The following GRIK4 variants were observed in gnomAD, a reference collection of about 807,000 sequenced individuals.
The protein encoded by GRIK4 is glutamate receptor ionotropic, kainate 4.
In GRIK4, 40 loss-of-function variants were observed where a neutral mutation model predicts 104.9. The ratio of observed to expected loss-of-function variants is 0.38; its 90% CI spans 0.30 to 0.50. The LOEUF (loss-of-function observed/expected upper bound fraction) is 0.50. GRIK4 is among the 20% of genes least tolerant of loss of function. GRIK4 has a pLI of 0.93. For synonymous variants in GRIK4, 485 were observed against 524.9 expected (o/e 0.92, Z 1.04); for missense variants, 1,047 against 1,308.1 (o/e 0.80, Z 3.08).
intron 3 of GRIK4, among the ~76,000 whole-genome samples, chr11:120,731,752 A>C (rs1285757168): frequency 6.6e-6 from 1 of 152,096 alleles, no homozygotes; most frequent in Non-Finnish European, 1.5e-5. Context: ...TTATTGGTCT[A>C]TTCAGGTTTT....
At chr11:120,579,398 G>A (rs1948535817) in intron 1 of GRIK4, among the ~76,000 whole-genome samples, 1 of 152,192 alleles carries the variant, frequency 6.6e-6, no homozygotes, top group South Asian at 2.1e-4. Context: ...CGGTAGCAAG[G>A]TGGGGACAGG....
At chr11:120,593,998 G>A (rs1948769201) in intron 1 of GRIK4, among the ~76,000 whole-genome samples, 2 of 152,072 alleles carry the variant, frequency 1.3e-5, no homozygotes, top group Admixed American at 1.3e-4. Flanking sequence ...TTCAGTCCAG[G>A]CCACCACCAT....
chr11:120,695,189 G>A (rs1006995075), intron 3 of GRIK4, among the ~76,000 whole-genome samples: 17 of 152,200 alleles, frequency 1.1e-4, no homozygotes, highest in African/African-American at 3.4e-4. Context: ...TCATTCTCAC[G>A]AGCTGGGCTG....
chr11:120,602,999 G>T (rs762160320), intron 1 of GRIK4, among the ~76,000 whole-genome samples: 23 of 152,180 alleles, frequency 1.5e-4, no homozygotes, highest in Non-Finnish European at 2.9e-4. Context: ...CACCATACCC[G>T]GCCAGTGTCT....
At chr11:120,686,573 T>A (rs2135299592) in intron 3 of GRIK4, among the ~76,000 whole-genome samples, 1 of 152,372 alleles carries the variant, frequency 6.6e-6, no homozygotes, top group South Asian at 2.1e-4. Flanking sequence ...GTGGATGGGC[T>A]GCATCACGTC....
chr11:120,667,086 G>A (rs1949927296), intron 3 of GRIK4, among the ~76,000 whole-genome samples: 1 of 152,204 alleles, frequency 6.6e-6, no homozygotes, highest in Admixed American at 6.5e-5. Flanking sequence ...CTCAAATGTG[G>A]TATTGGACCT....
At chr11:120,539,363 T>C (rs1391808149) in intron 1 of GRIK4, among the ~76,000 whole-genome samples, 1 of 152,184 alleles carries the variant, frequency 6.6e-6, no homozygotes, top group African/African-American at 2.4e-5. Context: ...TAACTACAAA[T>C]GATAACGATC....
intron 1 of GRIK4, among the ~76,000 whole-genome samples, chr11:120,645,224 C>G (rs1949527628): frequency 1.3e-5 from 2 of 152,308 alleles, no homozygotes; most frequent in South Asian, 4.1e-4. Context: ...AAAGCCTCCT[C>G]TGACCGTGCC....
chr11:120,615,162 T>C (rs1332631741), intron 1 of GRIK4, among the ~76,000 whole-genome samples: 2 of 152,240 alleles, frequency 1.3e-5, no homozygotes, highest in African/African-American at 4.8e-5. Flanking sequence ...TTGTTATTCT[T>C]GTTTGCTATT....
chr11:120,625,234 A>G (rs1187046828), intron 1 of GRIK4, among the ~76,000 whole-genome samples: 2 of 152,144 alleles, frequency 1.3e-5, no homozygotes, highest in Admixed American at 1.3e-4. Flanking sequence ...AGATTGCACC[A>G]CTGCACCCCA....
intron 1 of GRIK4, among the ~76,000 whole-genome samples, chr11:120,592,953 C>T (rs535062222): frequency 1.1e-4 from 16 of 152,202 alleles, no homozygotes; most frequent in Non-Finnish European, 1.8e-4. Flanking sequence ...GAGGCCCAGG[C>T]GGGCAGATCA....
At chr11:120,725,681 A>G (rs1951016546) in intron 3 of GRIK4, among the ~76,000 whole-genome samples, 1 of 152,140 alleles carries the variant, frequency 6.6e-6, no homozygotes, top group African/African-American at 2.4e-5. Context: ...TTCTTGAGGA[A>G]TAACTCAGAT....
chr11:120,549,279 T>C lies in GRIK4; in HGVS notation c.-159+37392T>C, dbSNP rs189109602. Among the ~76,000 whole-genome samples, 7 of 125,404 alleles carry C rather than the reference T, an allele frequency of 5.6e-5. No individual in the cohort carries two copies. The South Asian group carries it at 1.2e-3, about 22-fold the overall frequency. The allele number at this position is 125,404 out of a possible 152,430, so 82.3% of individuals were successfully genotyped here. A position where few individuals can be genotyped will look rare whatever the true frequency, so the allele number is the denominator to read the frequency against. On this transcript the variant is annotated intron_variant, in intron 1 of 20. Coordinates refer to ENST00000527524, the MANE Select transcript of GRIK4 (RefSeq NM_014619.5). This position sits in a 1 kb window ranked among gnomAD's most constrained non-coding sequence, Gnocchi z 4.7. ...ACACCTGGCTAATTTTTGTATATAT[T>C]TTTTTTTAAGTAAAGTCGGGCTTTC...
At chr11:120,784,297 A>G (rs1265207083) in intron 3 of GRIK4, among the ~76,000 whole-genome samples, 2 of 152,194 alleles carry the variant, frequency 1.3e-5, no homozygotes, top group Non-Finnish European at 2.9e-5. Context: ...GACAATGAAT[A>G]AAAAGACCCA....
intron 3 of GRIK4, among the ~76,000 whole-genome samples, chr11:120,747,423 G>A (rs1157924446): frequency 6.6e-6 from 1 of 152,170 alleles, no homozygotes; most frequent in African/African-American, 2.4e-5. Flanking sequence ...GACAAACCGA[G>A]TCAGTGTTAG....
At chr11:120,683,460 C>A (rs1264615002) in intron 3 of GRIK4, among the ~76,000 whole-genome samples, 1 of 152,128 alleles carries the variant, frequency 6.6e-6, no homozygotes, top group African/African-American at 2.4e-5. Flanking sequence ...GATTGTAAAA[C>A]ATCCAAGTAT....
chr11:120,822,896 A>G (rs1953163596), intron 6 of GRIK4, among the ~76,000 whole-genome samples: 1 of 152,234 alleles, frequency 6.6e-6, no homozygotes, highest in Admixed American at 6.5e-5. Context: ...ATGAGCCAAA[A>G]AAGAATGCTG....
chr11:120,745,866 G>A lies in GRIK4; in HGVS notation c.83-56827G>A, dbSNP rs182923703. On this transcript the variant is annotated intron_variant, in intron 3 of 20. Coordinates refer to ENST00000527524, the MANE Select transcript of GRIK4 (RefSeq NM_014619.5). Reference sequence around the variant, plus strand: ...AGTGGGACTTGAGAGGTGTTCAGGAGGGTAGTGATGAGCCCCTTTGCAACC... The same window carrying A: ...AGTGGGACTTGAGAGGTGTTCAGGAAGGTAGTGATGAGCCCCTTTGCAACC... Among the ~76,000 whole-genome samples the A allele has an allele frequency of 2.6e-4, 39 of 152,302 alleles. No individual in the cohort carries two copies. In the East Asian group the frequency reaches 6.8e-3, roughly 26 times the overall value.
At position 120,832,862 on chromosome 11, in the gene GRIK4, G is replaced by C. The variant is rs185426197; in HGVS notation, c.690+832G>C. ...GTCACCTGACGTCAGTTCCTGGGCT[G>C]GTGGCTGGGCTGGGCATGAACTTCG... On this transcript the variant is annotated intron_variant, in intron 7 of 20. Coordinates refer to ENST00000527524, the MANE Select transcript of GRIK4 (RefSeq NM_014619.5). 3.3e-5 allele frequency among the ~76,000 whole-genome samples: 5 copies of C among 152,318 alleles called. No individual in the cohort carries two copies. The East Asian group carries it at 5.8e-4, about 18-fold the overall frequency.
Sources: allele counts gnomAD v4.1 joint callset (sites outside exome capture counted in the v4.1 genomes callset), GRCh38; gene constraint gnomAD v4.1.1; non-coding constraint Gnocchi (gnomAD v3.1); transcripts MANE v1.5; gene names NCBI Gene and HGNC (gene_info 2026-07-23, HGNC 2026-07-21).